The following PRMT8 variants were observed in gnomAD, a reference collection of about 807,000 sequenced individuals.
The protein encoded by PRMT8 is protein arginine methyltransferase 8.
PRMT8 carries 7 observed loss-of-function variants against 47.1 expected under a neutral mutation model. That is an observed-to-expected ratio of 0.15 (90% confidence interval 0.08 to 0.28). The LOEUF (loss-of-function observed/expected upper bound fraction) is 0.28, where lower values mean the gene tolerates loss of function less well. Among genes scored for constraint, PRMT8 ranks in the 10% least tolerant of loss-of-function variants. The pLI, the probability that PRMT8 is intolerant of heterozygous loss-of-function variation, is 1.00. For missense variants in PRMT8, 237 were observed against 505.4 expected (o/e 0.47, Z 5.09); for synonymous variants, 188 against 186.5 (o/e 1.01, Z -0.07).
Position 3,570,785 on chromosome 12 carries a change from G to T in PRMT8, c.712+1221G>T, listed in dbSNP as rs988057195. 6.6e-6 allele frequency among the ~76,000 whole-genome samples: 1 copy of T among 152,206 alleles called. No individual in the cohort carries two copies. The highest frequency in any genetic ancestry group is 2.4e-5 in the African/African-American group (1 of 41,458). ...TTCAGAAGAAGACAAAAGTGGGACA[G>T]CTGTTTGAAGCTCTGTGCCCTGGAA... is the stretch of plus-strand genomic sequence containing the variant. On this transcript the variant is annotated intron_variant, in intron 6 of 9. Transcript: ENST00000382622. This position sits in a 1 kb window ranked among gnomAD's most constrained non-coding sequence, Gnocchi z 5.5.
In PRMT8 at chr12:3,593,282, A is replaced by T. The variant is rs773159139; in HGVS notation, c.*100A>T. On this transcript the variant is annotated 3_prime_UTR_variant, in exon 10 of 10. Coordinates refer to ENST00000382622, the MANE Select transcript of PRMT8 (RefSeq NM_019854.5). The surrounding 1 kb of genome is among the most constrained non-coding windows in gnomAD (Gnocchi z 4.8). ...CCGTTTGCAGGACTACACACTTGAA[A>T]ACCAGAGTTTTCAACTCTGCCTTGA... 1.4e-5 allele frequency: 15 copies of T among 1,039,736 alleles called. No individual in the cohort carries two copies. The highest frequency in any genetic ancestry group is 2.1e-5 in the Non-Finnish European group (15 of 703,990). The allele number at this position is 1,039,736 out of a possible 1,614,324, so 64.4% of individuals were successfully genotyped here. A position where few individuals can be genotyped will look rare whatever the true frequency, so the allele number is the denominator to read the frequency against.
At chr12:3,561,573 G>A (rs1331912514) in intron 4 of PRMT8, among the ~76,000 whole-genome samples, 1 of 152,170 alleles carries the variant, frequency 6.6e-6, no homozygotes, top group Admixed American at 6.5e-5. Context: ...GAGGGTGGAA[G>A]CTCCTACAGG....
rs556755255 is a variant in PRMT8, at chr12:3,581,836, C to A, written c.829-1222C>A. On this transcript the variant is annotated intron_variant, in intron 7 of 9. Transcript: ENST00000382622. ...TTCCCTTAACCACTTTTTCTCTGTC[C>A]ATCCCTGTGGAGTTAGGACTTCTCT... Among the ~76,000 whole-genome samples, 6 of 152,322 alleles carry A rather than the reference C, an allele frequency of 3.9e-5. No homozygotes were observed. In the East Asian group the frequency reaches 1.2e-3, roughly 29 times the overall value.
At chr12:3,443,375 C>G (rs1169081640) in intron 1 of PRMT8, among the ~76,000 whole-genome samples, 1 of 152,200 alleles carries the variant, frequency 6.6e-6, no homozygotes, top group Non-Finnish European at 1.5e-5. Context: ...CTCCCCTCCA[C>G]CCGATTAATG....
In PRMT8 at chr12:3,566,247, T is replaced by A. The variant is rs1866719010; in HGVS notation, c.482-2459T>A. 1.3e-5 allele frequency among the ~76,000 whole-genome samples: 2 copies of A among 152,226 alleles called. No individual in the cohort carries two copies. Among genetic ancestry groups the A allele is most frequent in the Admixed American group, 6.5e-5 (1 of 15,286 alleles). ...TAAATTAGGCACAATGTTTGCATTT[T>A]AAAAAATCCTTTACTTTGCCACTCT... On this transcript the variant is annotated intron_variant, in intron 4 of 9. Coordinates refer to ENST00000382622, the MANE Select transcript of PRMT8 (RefSeq NM_019854.5). The surrounding 1 kb of genome is among the most constrained non-coding windows in gnomAD (Gnocchi z 4.7).
chr12:3,540,858 C>A (rs1374315599), intron 2 of PRMT8, 67 bp downstream of exon 2: 2 of 1,498,384 alleles, frequency 1.3e-6, no homozygotes, highest in African/African-American at 2.7e-5. Context: ...TTTTCAGAGG[C>A]AGCATAGTGT....
At chr12:3,588,864 T>C (rs1354423181) in intron 8 of PRMT8, among the ~76,000 whole-genome samples, 1 of 152,200 alleles carries the variant, frequency 6.6e-6, no homozygotes, top group African/African-American at 2.4e-5. Flanking sequence ...TTGTACAATC[T>C]GGATGGTCAT....
intron 1 of PRMT8, among the ~76,000 whole-genome samples, chr12:3,497,552 T>C (rs182615804): frequency 6.6e-6 from 1 of 152,270 alleles, no homozygotes; most frequent in Admixed American, 6.5e-5. Context: ...CTAGTTTTTG[T>C]TCCAATTGAT....
intron 1 of PRMT8, among the ~76,000 whole-genome samples, chr12:3,528,849 A>C (rs1262485066): frequency 6.6e-6 from 1 of 152,080 alleles, no homozygotes; most frequent in Non-Finnish European, 1.5e-5. Flanking sequence ...CTTTGGTGGG[A>C]TTTGAACTAT....
chr12:3,386,067 T>G (rs1864134895), intron 1 of PRMT8, among the ~76,000 whole-genome samples: 1 of 152,254 alleles, frequency 6.6e-6, no homozygotes, highest in Non-Finnish European at 1.5e-5. Context: ...TTCACACTGC[T>G]TTTCTCTTGT....
chr12:3,490,378 C>T (rs1865367251), upstream of PRMT8, among the ~76,000 whole-genome samples: 1 of 152,122 alleles, frequency 6.6e-6, no homozygotes, highest in Non-Finnish European at 1.5e-5. Context: ...ATTCACACCC[C>T]CTGCTGCCGC....
At chr12:3,443,046 G>A (rs1428217727) in intron 1 of PRMT8, among the ~76,000 whole-genome samples, 1 of 152,124 alleles carries the variant, frequency 6.6e-6, no homozygotes, top group Non-Finnish European at 1.5e-5. Context: ...GTCCCCTATA[G>A]GTCATTTTTT....
intron 6 of PRMT8, among the ~76,000 whole-genome samples, chr12:3,573,679 G>A (rs1481161779): frequency 6.6e-6 from 1 of 152,156 alleles, no homozygotes; most frequent in African/African-American, 2.4e-5. Context: ...TGTATTAATA[G>A]TAGATTTGGG....
At chr12:3,408,355 T>C (rs1864393644) in intron 1 of PRMT8, among the ~76,000 whole-genome samples, 1 of 152,056 alleles carries the variant, frequency 6.6e-6, no homozygotes, top group African/African-American at 2.4e-5. Context: ...CATCTCAGCC[T>C]CTCAAGTAGC....
At chr12:3,499,330 A>C in intron 1 of PRMT8, among the ~76,000 whole-genome samples, 1 of 93,930 alleles carries the variant, frequency 1.1e-5, no homozygotes, top group South Asian at 4.5e-4. Context: ...ATATCTCCCA[A>C]TGCTATCCCT....
At chr12:3,457,414 T>C (rs1864986369) in intron 1 of PRMT8, among the ~76,000 whole-genome samples, 1 of 152,118 alleles carries the variant, frequency 6.6e-6, no homozygotes, top group Non-Finnish European at 1.5e-5. Flanking sequence ...ACTCAAGTGG[T>C]CCTCCTACCT....
intron 1 of PRMT8, among the ~76,000 whole-genome samples, chr12:3,513,663 C>A (rs897669836): frequency 5.9e-5 from 9 of 152,192 alleles, no homozygotes; most frequent in Admixed American, 5.9e-4. Context: ...ATTTTCTCTA[C>A]TTCATTGTAT....
intron 1 of PRMT8, among the ~76,000 whole-genome samples, chr12:3,485,321 C>T (rs1019369175): frequency 2.6e-5 from 4 of 152,112 alleles, no homozygotes; most frequent in Admixed American, 2.0e-4. Flanking sequence ...TCCTCAAGTG[C>T]GTGATCCAGG....
intron 1 of PRMT8, among the ~76,000 whole-genome samples, chr12:3,399,297 T>C (rs1294061198): frequency 6.6e-6 from 1 of 152,136 alleles, no homozygotes; most frequent in African/African-American, 2.4e-5. Flanking sequence ...GCTTTCAAAG[T>C]TGGCGACTGG....
Sources: allele counts gnomAD v4.1 joint callset (sites outside exome capture counted in the v4.1 genomes callset), GRCh38; gene constraint gnomAD v4.1.1; non-coding constraint Gnocchi (gnomAD v3.1); transcripts MANE v1.5; gene names NCBI Gene and HGNC (gene_info 2026-07-23, HGNC 2026-07-21).